RAF1: variants seen among roughly 807,000 people sequenced by gnomAD.
RAF1 encodes the protein Raf-1 proto-oncogene, serine/threonine kinase.
A neutral mutation model predicts 81.1 loss-of-function variants in RAF1; 27 were observed. The observed-to-expected ratio is 0.33, with a 90% CI of 0.25 to 0.46. RAF1 has a LOEUF of 0.46. Ranked by LOEUF, RAF1 falls within the 20% of genes least tolerant of loss-of-function variation. The probability of loss-of-function intolerance (pLI) is 1.00; values close to 1 mark genes in which losing one functional copy is unlikely to be tolerated. For synonymous variants in RAF1, 298 were observed against 294.0 expected, an observed-to-expected ratio of 1.01 and a Z score of -0.14; for missense variants, 598 against 826.0, an observed-to-expected ratio of 0.72 and a Z score of 3.38.
intron 1 of RAF1, among the ~76,000 whole-genome samples, chr3:12,653,330 T>C (rs549822404): frequency 1.2e-3 from 186 of 152,292 alleles, no homozygotes; most frequent in Non-Finnish European, 2.4e-3. Flanking sequence ...AGTAATTTCA[T>C]AGCCACCTCT....
intron 1 of RAF1, among the ~76,000 whole-genome samples, chr3:12,627,648 T>C (rs1405324809): frequency 6.6e-6 from 1 of 152,168 alleles, no homozygotes; most frequent in Non-Finnish European, 1.5e-5. Context: ...TTCCCTAGGT[T>C]CACCAAAAAA....
chr3:12,606,993 G>C (rs762079068), intron 5 of RAF1, among the ~76,000 whole-genome samples: 3 of 152,128 alleles, frequency 2.0e-5, no homozygotes, highest in Admixed American at 1.3e-4. Context: ...GCCCGGCCCA[G>C]TGTGCATTTC....
At chr3:12,633,068 CA>C (rs959022979) in intron 1 of RAF1, among the ~76,000 whole-genome samples, 2 of 152,060 alleles carry the variant, frequency 1.3e-5, no homozygotes, top group Non-Finnish European at 2.9e-5. Context: ...TCAAAGACAA[CA>C]AATCTCATCC....
chr3:12,612,773 A>G (rs1231004329), intron 2 of RAF1, among the ~76,000 whole-genome samples: 1 of 152,216 alleles, frequency 6.6e-6, no homozygotes, highest in Non-Finnish European at 1.5e-5. Context: ...GAAAGATAAA[A>G]TGATAAACTT....
chr3:12,593,009 G>A (rs2058568151), intron 11 of RAF1, among the ~76,000 whole-genome samples: 1 of 151,658 alleles, frequency 6.6e-6, no homozygotes. Flanking sequence ...CAAAGTGCTG[G>A]GATTACAGGT....
intron 1 of RAF1, among the ~76,000 whole-genome samples, chr3:12,659,829 T>C (rs2060819381): frequency 6.6e-6 from 1 of 152,208 alleles, no homozygotes; most frequent in Non-Finnish European, 1.5e-5. Flanking sequence ...GCTGTTTGGC[T>C]AACAAGCTCC....
At chr3:12,648,919 A>G (rs2060436413) in intron 1 of RAF1, among the ~76,000 whole-genome samples, 1 of 152,190 alleles carries the variant, frequency 6.6e-6, no homozygotes, top group Admixed American at 6.6e-5. Context: ...GTTCAAGACC[A>G]GCCTGACCAA....
At chr3:12,662,438 T>G (rs2125597216) in intron 1 of RAF1, among the ~76,000 whole-genome samples, 1 of 151,250 alleles carries the variant, frequency 6.6e-6, no homozygotes, top group Non-Finnish European at 1.5e-5. Context: ...ACTAAATATG[T>G]TCAATCACTA....
intron 8 of RAF1, among the ~76,000 whole-genome samples, chr3:12,603,011 T>G (rs925729225): frequency 1.3e-5 from 2 of 152,174 alleles, no homozygotes; most frequent in African/African-American, 4.8e-5. Flanking sequence ...TTGGTTGGAA[T>G]TGATTTAAAA....
rs762000118 is a variant in RAF1, at chr3:12,609,302, A to C, written c.354T>G (p.Ala118=). 3.1e-6 allele frequency: 5 copies of C among 1,613,580 alleles called. No homozygotes were observed. In the African/African-American group the frequency reaches 6.7e-5, roughly 22 times the overall value. ...GAAGTTCTTCTCCAATCAAAGACGC[A>C]GCATCAGTATTCCAATCTAAGCGTG... Residue 118 remains alanine (A), a synonymous_variant, in exon 4 of 18, where the codon GCT becomes GCG. Transcript: ENST00000442415.
rs2058227932 is a variant in RAF1, at chr3:12,583,953, G to A, written c.*561C>T. On this transcript the variant is annotated 3_prime_UTR_variant, in exon 18 of 18. Coordinates refer to ENST00000442415, the MANE Select transcript of RAF1 (RefSeq NM_001354689.3). ...CTGGACACCTTAGAAGCTGTGAAAGGAGGACGTGTCCCCTAAGAAAAGTTC... is the reference window on the plus strand; with the variant it reads ...CTGGACACCTTAGAAGCTGTGAAAGAAGGACGTGTCCCCTAAGAAAAGTTC... The A allele has an allele frequency of 4.1e-6, 1 of 243,422 alleles. No homozygotes were observed. The highest frequency in any genetic ancestry group is 8.1e-6 in the Non-Finnish European group (1 of 123,068). The allele number at this position is 243,422 out of a possible 1,614,324, so 15.1% of individuals were successfully genotyped here. A position where few individuals can be genotyped will look rare whatever the true frequency, so the allele number is the denominator to read the frequency against.
chr3:12,618,490 T>C, intron 2 of RAF1, 25 bp downstream of exon 2: 2 of 1,612,764 alleles, frequency 1.2e-6, no homozygotes, highest in Non-Finnish European at 8.5e-7. Context: ...AATAGCTAAA[T>C]TTCCTAAGTA....
At chr3:12,600,334 C>A in intron 9 of RAF1, 54 bp downstream of exon 8, 1 of 1,614,012 alleles carries the variant, frequency 6.2e-7, no homozygotes, top group Non-Finnish European at 8.5e-7. Flanking sequence ...AGAAGATACA[C>A]CGCATAAAGA....
In RAF1 at chr3:12,608,888, G is replaced by A; in HGVS notation, c.459C>T (p.Asp153=). The stretch of plus-strand genomic sequence containing the variant: ...CATTGAGCAGGAATTTCTGACAGAT[G>A]TCACAGAAGGCAAGCTTCAGGAACG... The change falls in exon 5 of 18, where the codon GAC becomes GAT. Residue 153 remains aspartate (D), a synonymous_variant. Transcript: ENST00000442415. 6.2e-7 allele frequency: 1 copy of A among 1,614,132 alleles called. No homozygotes were observed. Among genetic ancestry groups the A allele is most frequent in the Non-Finnish European group, 8.5e-7 (1 of 1,180,014 alleles).
chr3:12,585,428 T>TC, intron 15 of RAF1, 175 bp from the exon 15 acceptor site: 1 of 985,392 alleles, frequency 1.0e-6, no homozygotes, highest in Non-Finnish European at 1.2e-6. Flanking sequence ...AGCTCAGGAA[T>TC]CCTTGTCTTT....
Position 12,585,606 on chromosome 3 carries a change from A to G in RAF1, c.1596+75T>C, listed in dbSNP as rs1286752764. The G allele has an allele frequency of 7.7e-6, 11 of 1,420,686 alleles. No homozygotes were observed. In the East Asian group the frequency reaches 2.5e-4, roughly 32 times the overall value. The allele number at this position is 1,420,686 out of a possible 1,614,324, so 88.0% of individuals were successfully genotyped here. On this transcript the variant is annotated intron_variant, in intron 15 of 17. Coordinates refer to ENST00000442415, the MANE Select transcript of RAF1 (RefSeq NM_001354689.3). ...TCGGGGAAATGTACAGAAACGCTTTAAGTTTGCACATAAATCTCCAAGGCA... is the reference window on the plus strand; with the variant it reads ...TCGGGGAAATGTACAGAAACGCTTTGAGTTTGCACATAAATCTCCAAGGCA...
At chr3:12,632,550 TG>T (rs2059896680) in intron 1 of RAF1, among the ~76,000 whole-genome samples, 1 of 152,156 alleles carries the variant, frequency 6.6e-6, no homozygotes, top group African/African-American at 2.4e-5. Flanking sequence ...CCAACAACAG[TG>T]GGTATAATCT....
In RAF1 at chr3:12,584,013, A is replaced by T; in HGVS notation, c.*501T>A. On this transcript the variant is annotated 3_prime_UTR_variant, in exon 18 of 18. Coordinates refer to ENST00000442415, the MANE Select transcript of RAF1 (RefSeq NM_001354689.3). ...AAAGCAGGCTCCTTCGGGCGGCCAGAGTCTCGGCAGTCCTGGGCTGTTTGG... is the reference window on the plus strand; with the variant it reads ...AAAGCAGGCTCCTTCGGGCGGCCAGTGTCTCGGCAGTCCTGGGCTGTTTGG... 1 of 252,918 alleles carries T rather than the reference A, an allele frequency of 4.0e-6. No individual in the cohort carries two copies. Among genetic ancestry groups the T allele is most frequent in the Admixed American group, 4.8e-5 (1 of 20,860 alleles). The allele number at this position is 252,918 out of a possible 1,614,324, so 15.7% of individuals were successfully genotyped here. A position where few individuals can be genotyped will look rare whatever the true frequency, so the allele number is the denominator to read the frequency against.
At chr3:12,591,137 T>TTGC (rs747372764) in intron 12 of RAF1, among the ~76,000 whole-genome samples, 163 bp from the exon 12 acceptor site, 84 of 151,984 alleles carry the variant, frequency 5.5e-4, no homozygotes, top group Non-Finnish European at 1.0e-3. Context: ...ATAACCCGGG[T>TTGC]GGCATTCTGA....
Sources: allele counts gnomAD v4.1 joint callset (sites outside exome capture counted in the v4.1 genomes callset), GRCh38; gene constraint gnomAD v4.1.1; transcripts MANE v1.5; gene names NCBI Gene and HGNC (gene_info 2026-07-23, HGNC 2026-07-21).